MYO15B: variants seen among roughly 807,000 people sequenced by gnomAD.
The protein encoded by MYO15B is myosin XVB pseudogene.
Under a neutral mutation model 119.3 loss-of-function variants are expected in MYO15B, and 207 were observed. The observed-to-expected ratio is 1.73, with a 90% CI of 1.55 to 1.95. The LOEUF (loss-of-function observed/expected upper bound fraction) is 1.95, where lower values mean the gene tolerates loss of function less well. MYO15B is among the 30% of genes most tolerant of loss of function. MYO15B has a pLI of 0.00. For synonymous variants in MYO15B, 966 were observed against 498.9 expected, an observed-to-expected ratio of 1.94 and a Z score of -12.48; for missense variants, 2,264 against 1,203.1, an observed-to-expected ratio of 1.88 and a Z score of -13.04.
chr17:75,600,547 A>G (rs946784328), intron 14 of MYO15B: 11 of 151,010 alleles, frequency 7.3e-5, no homozygotes, highest in African/African-American at 2.7e-4. Flanking sequence ...TCCCAGTCTC[A>G]ATCAGTCCTT....
chr17:75,624,755 T>G lies in MYO15B; in HGVS notation c.8543-16T>G, dbSNP rs1215513346. On this transcript the variant is annotated splice_polypyrimidine_tract_variant and intron_variant, in intron 58 of 63. Coordinates refer to ENST00000645453, the Ensembl canonical transcript of MYO15B. Reference sequence around the variant, plus strand: ...TGTGTGGTCTGAGCAGCAGTGGACCTAGGCTCCCCATGCAGGCCAGCTGGT... The same window carrying G: ...TGTGTGGTCTGAGCAGCAGTGGACCGAGGCTCCCCATGCAGGCCAGCTGGT... The G allele has an allele frequency of 1.0e-5, 7 of 702,752 alleles. No homozygotes were observed. The highest frequency in any genetic ancestry group is 1.8e-5 in the Non-Finnish European group (7 of 384,898). 43.5% of individuals were successfully genotyped at this position (702,752 alleles called of 1,614,324 possible).
intron 21 of MYO15B, 90 bp downstream of exon 21, chr17:75,606,111 G>C: frequency 1.7e-6 from 1 of 599,060 alleles, no homozygotes; most frequent in Non-Finnish European, 3.0e-6. Flanking sequence ...GGGAAACATA[G>C]GGCCTCAAGG....
At chr17:75,609,614 C>T (rs1438900701) in intron 21 of MYO15B, among the ~76,000 whole-genome samples, 1 of 147,378 alleles carries the variant, frequency 6.8e-6, no homozygotes, top group African/African-American at 2.5e-5. Flanking sequence ...TCAATTTACT[C>T]GTTCTCCTTC....
In MYO15B at chr17:75,613,685, C is replaced by T. The variant is rs566558705; in HGVS notation, c.5147-20C>T. The T allele has an allele frequency of 2.6e-5, 18 of 700,722 alleles. No individual in the cohort carries two copies. The highest frequency in any genetic ancestry group is 2.2e-4 in the South Asian group (15 of 67,342). The allele number at this position is 700,722 out of a possible 1,614,324, so 43.4% of individuals were successfully genotyped here. ...CTCTGCTGTCCCTCACTCTTGCCCC[C>T]GCCCCCCATGCCCCTGCAGAGGAGT... On this transcript the variant is annotated intron_variant, in intron 28 of 63. Transcript: ENST00000645453.
intron 29 of MYO15B, 103 bp downstream of exon 29, chr17:75,613,880 C>G: frequency 3.2e-6 from 2 of 615,970 alleles, no homozygotes; most frequent in East Asian, 2.7e-5. Flanking sequence ...GAGAGGTGCC[C>G]CGGGGTGGGC....
Position 75,589,233 on chromosome 17 carries a change from G to C in MYO15B, c.1176G>C (p.Glu392Asp). Residue 392 changes from glutamate (E) to aspartate (D), a missense_variant, in exon 1 of 64, where the codon GAG (glutamate) becomes GAC (aspartate). Glu to Asp is a conservative substitution (Grantham distance 45, BLOSUM62 2). Transcript: ENST00000645453. This position sits in a 1 kb window ranked among gnomAD's most constrained non-coding sequence, Gnocchi z 4.2. ...TGCGGCTGCGGCGGCGGCCGCCAGA[G>C]GGCGAGGGGCAGGGTACCGGGCCAC... The C allele has an allele frequency of 2.5e-6, 1 of 401,800 alleles. No homozygotes were observed. The highest frequency in any genetic ancestry group is 4.4e-6 in the Non-Finnish European group (1 of 229,044). 24.9% of individuals were successfully genotyped at this position (401,800 alleles called of 1,614,324 possible). A position where few individuals can be genotyped will look rare whatever the true frequency, so the allele number is the denominator to read the frequency against.
Position 75,603,198 on chromosome 17 carries a change from T to C in MYO15B, c.3902T>C (p.Leu1301Pro), listed in dbSNP as rs566916940. ...GTCTTGTGGCCACAGCTTCCAGGCC[T>C]CTTTGACGTGGGACATGTGACAGAG... is the stretch of plus-strand genomic sequence containing the variant. Residue 1301 changes from leucine to proline, a missense_variant, in exon 19 of 64, where the codon CTC (leucine) becomes CCC (proline). Leu to Pro is a moderately conservative substitution (Grantham distance 98). Coordinates refer to ENST00000645453, the Ensembl canonical transcript of MYO15B. 4.3e-6 allele frequency: 3 copies of C among 703,040 alleles called. No individual in the cohort carries two copies. The South Asian group carries it at 4.4e-5, about 10-fold the overall frequency. 43.6% of individuals were successfully genotyped at this position (703,040 alleles called of 1,614,324 possible).
intron 21 of MYO15B, chr17:75,607,165 T>C (rs1412233433): frequency 2.6e-6 from 1 of 388,902 alleles, no homozygotes; most frequent in Non-Finnish European, 4.5e-6. Flanking sequence ...CTCCACTATC[T>C]ATTTCCAACA....
chr17:75,615,187 G>A (rs1051680612), intron 33 of MYO15B, 53 bp from the exon 34 acceptor site: 35 of 687,662 alleles, frequency 5.1e-5, no homozygotes, highest in Non-Finnish European at 6.1e-5. Flanking sequence ...GGGCTGGAGG[G>A]AGGTGGCATG....
Position 75,616,522 on chromosome 17 carries a change from A to G in MYO15B, c.6245-2A>G, listed in dbSNP as rs947778557. ...TAACAGTCTTTCCTGTTTCCTGGTC[A>G]GTGCCGTCCCCTCCTCCTCCCCCCA... On this transcript the variant is annotated splice_acceptor_variant, in intron 38 of 63. Transcript: ENST00000645453. LOFTEE classifies it high-confidence loss of function. The G allele has an allele frequency of 3.1e-5, 22 of 701,222 alleles. No homozygotes were observed. The Admixed American group carries it at 4.4e-4, about 14-fold the overall frequency. 43.4% of individuals were successfully genotyped at this position (701,222 alleles called of 1,614,324 possible).
intron 10 of MYO15B, 53 bp from the exon 11 acceptor site, chr17:75,594,648 C>A: frequency 1.4e-6 from 1 of 699,982 alleles, no homozygotes; most frequent in South Asian, 1.5e-5. Context: ...GCTGAGTAAG[C>A]ACCATGAGGG....
At chr17:75,614,052 C>G in intron 29 of MYO15B, 147 bp from the exon 30 acceptor site, 2 of 614,576 alleles carry the variant, frequency 3.3e-6, no homozygotes, top group Non-Finnish European at 5.9e-6. Flanking sequence ...GGGAGCAGCC[C>G]CCACTGCTGA....
chr17:75,613,525 C>G (rs1205264062), intron 28 of MYO15B, 54 bp downstream of exon 28: 6 of 655,372 alleles, frequency 9.2e-6, no homozygotes, highest in Non-Finnish European at 1.6e-5. Context: ...GCCAGCCCTA[C>G]CCCTTTGCCC....
chr17:75,612,271 G>T (rs1417901131), intron 25 of MYO15B, among the ~76,000 whole-genome samples: 3 of 152,214 alleles, frequency 2.0e-5, no homozygotes, highest in Non-Finnish European at 4.4e-5. Flanking sequence ...CCACACCTTT[G>T]TTGTACCTGC....
chr17:75,626,491 T>G (rs1568247426), exon 64 of MYO15B: 1 of 703,008 alleles, frequency 1.4e-6, no homozygotes, highest in East Asian at 2.7e-5. Flanking sequence ...CTGAGAGGAG[T>G]GCAGGCCGGG....
chr17:75,595,976 G>C (rs2056833299), intron 12 of MYO15B, among the ~76,000 whole-genome samples: 1 of 152,232 alleles, frequency 6.6e-6, no homozygotes, highest in Non-Finnish European at 1.5e-5. Context: ...CCCTGAGGCT[G>C]GTGGTGATGG....
chr17:75,620,884 C>T (rs1436708463), intron 49 of MYO15B, 147 bp from the exon 50 acceptor site: 1 of 702,126 alleles, frequency 1.4e-6, no homozygotes, highest in Admixed American at 2.0e-5. Flanking sequence ...AAGGCTGCCC[C>T]AGCAGATGCT....
chr17:75,610,712 C>T (rs1026271515), intron 22 of MYO15B, 188 bp from the exon 23 acceptor site: 31 of 588,526 alleles, frequency 5.3e-5, no homozygotes, highest in Middle Eastern at 4.5e-4. Context: ...TGGGCACAGA[C>T]GCCCACAGTG....
chr17:75,604,353 A>C (rs1031917581), intron 19 of MYO15B, among the ~76,000 whole-genome samples: 4 of 152,060 alleles, frequency 2.6e-5, no homozygotes, highest in African/African-American at 9.7e-5. Context: ...ACATCCCCAG[A>C]ACCTGCACGG....
Sources: gnomAD v4.1 joint callset for allele counts (sites outside exome capture counted in the v4.1 genomes callset) on GRCh38, gnomAD v4.1.1 for gene constraint, Gnocchi (gnomAD v3.1) non-coding constraint, MANE v1.5 for transcripts, NCBI Gene and HGNC (gene_info 2026-07-23, HGNC 2026-07-21) for gene names.